Variants in KCNMB2 observed in about 807,000 individuals in gnomAD.
KCNMB2 encodes potassium calcium-activated channel subfamily M regulatory beta subunit 2.
Under a neutral mutation model 24.5 loss-of-function variants are expected in KCNMB2, and 9 were observed. The observed-to-expected ratio is 0.37, with a 90% CI of 0.22 to 0.64. The LOEUF is 0.64. Among genes scored for constraint, KCNMB2 ranks in the 30% least tolerant of loss-of-function variants. KCNMB2 has a pLI of 0.63. For missense variants in KCNMB2, 226 were observed against 284.3 expected (o/e 0.79, Z 1.47); for synonymous variants, 109 against 104.4 (o/e 1.04, Z -0.27).
At chr3:178,599,076 C>G (rs980006509) in intron 1 of KCNMB2, among the ~76,000 whole-genome samples, 1 of 151,966 alleles carries the variant, frequency 6.6e-6, no homozygotes, top group Non-Finnish European at 1.5e-5. Flanking sequence ...AAAGACAAGT[C>G]CAGCAGATGT....
rs547302026 is a variant in KCNMB2, at chr3:178,804,168, C to T, written c.-67-3175C>T. Among the ~76,000 whole-genome samples the T allele has an allele frequency of 7.2e-5, 11 of 152,214 alleles. No individual in the cohort carries two copies. The South Asian group carries it at 2.3e-3, about 32-fold the overall frequency. ...TGTGTAAAGTACTTTCTTTTTTGGT[C>T]TCTATATCCCTATCCTGATCACAAT... On this transcript the variant is annotated intron_variant, in intron 1 of 4. Transcript: ENST00000452583.
At position 178,832,495 on chromosome 3, in the gene KCNMB2, G is replaced by T. The variant is rs1715090047; in HGVS notation, c.423+4122G>T. Among the ~76,000 whole-genome samples the T allele has an allele frequency of 2.5e-5, 2 of 80,844 alleles. 1 individual carries two copies. The highest frequency in any genetic ancestry group is 6.3e-4 in the South Asian group (2 of 3,150). 53.0% of individuals were successfully genotyped at this position (80,844 alleles called of 152,430 possible). On this transcript the variant is annotated intron_variant, in intron 4 of 4. Transcript: ENST00000452583. ...TTCTTTGTCAATTTTAGAAAATTCT[G>T]TCATTATCTCATCAACATTGTCTGT...
intron 1 of KCNMB2, among the ~76,000 whole-genome samples, chr3:178,732,917 A>G (rs1723199528): frequency 6.6e-6 from 1 of 152,160 alleles, no homozygotes; most frequent in South Asian, 2.1e-4. Context: ...ATGTAATCAC[A>G]TGACTCTGGG....
chr3:178,746,065 C>T (rs187177370), intron 1 of KCNMB2, among the ~76,000 whole-genome samples: 4 of 152,266 alleles, frequency 2.6e-5, no homozygotes, highest in East Asian at 1.9e-4. Context: ...GGTGGTGCCC[C>T]GGTAGGGACT....
intron 4 of KCNMB2, among the ~76,000 whole-genome samples, chr3:178,829,060 G>A (rs1714953978): frequency 6.6e-6 from 1 of 152,026 alleles, no homozygotes; most frequent in South Asian, 2.1e-4. Context: ...CAACGAATGT[G>A]TATTTTATTA....
intron 1 of KCNMB2, among the ~76,000 whole-genome samples, chr3:178,718,424 A>G (rs1262967321): frequency 6.6e-6 from 1 of 152,136 alleles, no homozygotes; most frequent in Non-Finnish European, 1.5e-5. Context: ...CTTCCTCTCA[A>G]GGACATAAAC....
intron 1 of KCNMB2, among the ~76,000 whole-genome samples, chr3:178,652,433 T>C (rs1298762547): frequency 2.6e-5 from 4 of 151,824 alleles, no homozygotes; most frequent in Non-Finnish European, 5.9e-5. Context: ...AACCTGCACG[T>C]TCTGCACATG....
chr3:178,664,174 G>A (rs548635314), intron 1 of KCNMB2, among the ~76,000 whole-genome samples: 6 of 152,254 alleles, frequency 3.9e-5, no homozygotes, highest in African/African-American at 1.4e-4. Flanking sequence ...GGGACCTGCA[G>A]GAACTCACTG....
At chr3:178,670,414 T>C (rs1472443332) in intron 1 of KCNMB2, among the ~76,000 whole-genome samples, 3 of 128,964 alleles carry the variant, frequency 2.3e-5, no homozygotes, top group Non-Finnish European at 4.9e-5. Context: ...ATTTTAAAAC[T>C]GGGAGACTCT....
At chr3:178,761,431 TTATC>T (rs1225727267) in intron 1 of KCNMB2, among the ~76,000 whole-genome samples, 1 of 152,246 alleles carries the variant, frequency 6.6e-6, no homozygotes, top group Non-Finnish European at 1.5e-5. Context: ...CAGATATTAT[TTATC>T]TGAGTCAACA....
intron 1 of KCNMB2, among the ~76,000 whole-genome samples, chr3:178,744,533 G>C (rs1302978375): frequency 6.6e-6 from 1 of 152,274 alleles, no homozygotes; most frequent in South Asian, 2.1e-4. Context: ...GTGGATGATG[G>C]TGACCAAACC....
At chr3:178,814,322 CT>C (rs1714319382) in intron 2 of KCNMB2, among the ~76,000 whole-genome samples, 1 of 152,124 alleles carries the variant, frequency 6.6e-6, no homozygotes. Flanking sequence ...TGATTTCATT[CT>C]TTTTTATGGC....
At chr3:178,539,060 G>A (rs1055315487) in intron 1 of KCNMB2, among the ~76,000 whole-genome samples, 23 of 152,190 alleles carry the variant, frequency 1.5e-4, no homozygotes, top group African/African-American at 7.2e-5. Context: ...CACAGCCATC[G>A]TATCAGTCAC....
Position 178,756,768 on chromosome 3 carries a change from T to C in KCNMB2, c.-67-50575T>C, listed in dbSNP as rs574869905. Among the ~76,000 whole-genome samples, 4 of 152,212 alleles carry C rather than the reference T, an allele frequency of 2.6e-5. No individual in the cohort carries two copies. In the East Asian group the frequency reaches 7.7e-4, roughly 29 times the overall value. Reference sequence around the variant, plus strand: ...ACATATCAGCCAATTTCCTCTTTCTTTCTCTGGATGTACCCTATTGTGGAT... The same window carrying C: ...ACATATCAGCCAATTTCCTCTTTCTCTCTCTGGATGTACCCTATTGTGGAT... On this transcript the variant is annotated intron_variant, in intron 1 of 4. Transcript: ENST00000452583.
At chr3:178,605,900 A>C (rs1718253986) in intron 1 of KCNMB2, among the ~76,000 whole-genome samples, 1 of 152,214 alleles carries the variant, frequency 6.6e-6, no homozygotes, top group Non-Finnish European at 1.5e-5. Context: ...ATTGTTAGGC[A>C]AAAAGGATCT....
intron 1 of KCNMB2, among the ~76,000 whole-genome samples, chr3:178,659,813 G>A (rs1720463876): frequency 6.6e-6 from 1 of 152,120 alleles, no homozygotes; most frequent in African/African-American, 2.4e-5. Context: ...CCTTATAAAT[G>A]GTAGCTTTTG....
intron 1 of KCNMB2, among the ~76,000 whole-genome samples, chr3:178,539,306 T>C (rs1378879613): frequency 6.6e-6 from 1 of 152,212 alleles, no homozygotes; most frequent in Non-Finnish European, 1.5e-5. Context: ...ATAATTTTGT[T>C]AATGCATATG....
In KCNMB2 at chr3:178,793,771, C is replaced by T. The variant is rs1367775407; in HGVS notation, c.-67-13572C>T. Among the ~76,000 whole-genome samples, 3 of 152,130 alleles carry T rather than the reference C, an allele frequency of 2.0e-5. No homozygotes were observed. The East Asian group carries it at 5.8e-4, about 29-fold the overall frequency. Reference sequence around the variant, plus strand: ...AGCCAGCTACCTCATCTCTGAACACCAGCAGGTGACTCTTCCCATGCAGAT... The same window carrying T: ...AGCCAGCTACCTCATCTCTGAACACTAGCAGGTGACTCTTCCCATGCAGAT... On this transcript the variant is annotated intron_variant, in intron 1 of 4. Coordinates refer to ENST00000452583, the MANE Select transcript of KCNMB2 (RefSeq NM_181361.3).
intron 1 of KCNMB2, among the ~76,000 whole-genome samples, chr3:178,744,417 T>C (rs1299117478): frequency 6.6e-6 from 1 of 152,234 alleles, no homozygotes; most frequent in Non-Finnish European, 1.5e-5. Flanking sequence ...GTTATATCAG[T>C]AATTAGAAGA....
Sources: allele counts gnomAD v4.1 joint callset (sites outside exome capture counted in the v4.1 genomes callset), GRCh38; gene constraint gnomAD v4.1.1; transcripts MANE v1.5; gene names NCBI Gene and HGNC (gene_info 2026-07-23, HGNC 2026-07-21).